Variants in TPR observed in about 807,000 individuals in gnomAD.
TPR encodes the protein translocated promoter region, nuclear basket protein.
Under a neutral mutation model 316.1 loss-of-function variants are expected in TPR, and 51 were observed. The ratio of observed to expected loss-of-function variants is 0.16; its 90% confidence interval spans 0.13 to 0.20. The LOEUF (loss-of-function observed/expected upper bound fraction) is 0.20, where lower values mean the gene tolerates loss of function less well. Among genes scored for constraint, TPR ranks in the 10% least tolerant of loss-of-function variants. TPR has a pLI of 1.00. For missense variants in TPR, 2,272 were observed against 2,754.8 expected (o/e 0.82, Z 3.92); for synonymous variants, 981 against 914.7 (o/e 1.07, Z -1.31).
chr1:186,370,064 T>C (rs2101992787), intron 3 of TPR, among the ~76,000 whole-genome samples: 1 of 152,288 alleles, frequency 6.6e-6, no homozygotes, highest in African/African-American at 2.4e-5. Context: ...TGCCTTTTAT[T>C]CTCTGTACTG....
At position 186,374,941 on chromosome 1, in the gene TPR, C is replaced by T. The variant is rs770637230; in HGVS notation, c.88G>A (p.Ala30Thr). 48 of 1,611,172 alleles carry T rather than the reference C, an allele frequency of 3.0e-5. No homozygotes were observed. Among genetic ancestry groups the T allele is most frequent in the Non-Finnish European group, 3.5e-5 (41 of 1,177,696 alleles). ...CCATCGATCTCGGATTGCTGATCAG[C>T]AAGGAACTTTTCAAGTTTGTTCTGG... ...SVQNKLEKFL[A>T]DQQSEIDGLK... is the part of the protein sequence containing the mutation. The change falls in exon 1 of 51, where the codon GCT (alanine) becomes ACT (threonine). Residue 30 changes from alanine (A) to threonine (T), a missense_variant. Ala to Thr is a moderately conservative substitution (Grantham distance 58). Coordinates refer to ENST00000367478, the MANE Select transcript of TPR (RefSeq NM_003292.3).
At chr1:186,339,538 T>C in intron 30 of TPR, 104 bp downstream of exon 30, 1 of 993,574 alleles carries the variant, frequency 1.0e-6, no homozygotes. Flanking sequence ...TCTAGCACTT[T>C]CCATTCTTTC....
chr1:186,362,474 C>T (rs1166804570), intron 6 of TPR, 94 bp from the exon 7 acceptor site: 6 of 869,826 alleles, frequency 6.9e-6, no homozygotes, highest in Non-Finnish European at 1.1e-5. Flanking sequence ...AGCTAAGTAA[C>T]TCCCCCTCCC....
At position 186,363,452 on chromosome 1, in the gene TPR, T is replaced by A. The variant is rs375650618; in HGVS notation, c.428-7A>T. ...TTCAGACGTTTAACATCCTCTAGAA[T>A]GGTGAAGAGAATTAAAAAATAATAA... On this transcript the variant is annotated splice_polypyrimidine_tract_variant and splice_region_variant and intron_variant, in intron 4 of 50. Coordinates refer to ENST00000367478, the MANE Select transcript of TPR (RefSeq NM_003292.3). 1.3e-6 allele frequency: 2 copies of A among 1,572,524 alleles called. No individual in the cohort carries two copies. Among genetic ancestry groups the A allele is most frequent in the African/African-American group, 1.4e-5 (1 of 73,674 alleles).
At chr1:186,334,304 G>T (rs1217037138) in intron 36 of TPR, 21 bp downstream of exon 36, 2 of 1,594,266 alleles carry the variant, frequency 1.3e-6, no homozygotes, top group Admixed American at 1.7e-5. Context: ...AGTCTCATCA[G>T]ATCTGTATTA....
chr1:186,325,952 A>T, intron 41 of TPR, 98 bp from the exon 42 acceptor site: 1 of 1,553,238 alleles, frequency 6.4e-7, no homozygotes, highest in East Asian at 2.3e-5. Context: ...ACAAAAACAA[A>T]TAAGTAACCA....
chr1:186,313,137 C>A lies in TPR; in HGVS notation c.*834G>T, dbSNP rs1002962398. ...TAAAACATCCAGTTACTAGAGTAAACTTGCTACTGACAATAGTATTTTACT... is the reference window on the plus strand; with the variant it reads ...TAAAACATCCAGTTACTAGAGTAAAATTGCTACTGACAATAGTATTTTACT... On this transcript the variant is annotated 3_prime_UTR_variant, in exon 51 of 51. Coordinates refer to ENST00000367478, the MANE Select transcript of TPR (RefSeq NM_003292.3). 6 of 518,314 alleles carry A rather than the reference C, an allele frequency of 1.2e-5. No individual in the cohort carries two copies. In the East Asian group the frequency reaches 2.0e-4, roughly 17 times the overall value. 32.1% of individuals were successfully genotyped at this position (518,314 alleles called of 1,614,324 possible).
At chr1:186,319,030 C>T (rs1250303838) in intron 46 of TPR, among the ~76,000 whole-genome samples, 1 of 152,114 alleles carries the variant, frequency 6.6e-6, no homozygotes, top group Non-Finnish European at 1.5e-5. Flanking sequence ...CGTTCTGTCA[C>T]CCAAGTTAAG....
chr1:186,323,715 G>A lies in TPR; in HGVS notation c.6268C>T (p.Pro2090Ser). Residue 2090 changes from proline (P) to serine (S), a missense_variant, in exon 43 of 51, where the codon CCA becomes TCA. By Grantham distance (74) the Pro-to-Ser change is moderately conservative. Transcript: ENST00000367478. ...ACTGGTGGTCCCAACTCCTGAGGTG[G>A]GGCATGAATGGTCAGTCTTGGGGGA... ...PLPPRLTIHA[P>S]PQELGPPVQR... 6.6e-7 allele frequency: 1 copy of A among 1,510,602 alleles called. No homozygotes were observed. The highest frequency in any genetic ancestry group is 8.8e-7 in the Non-Finnish European group (1 of 1,142,824). The allele number at this position is 1,510,602 out of a possible 1,614,324, so 93.6% of individuals were successfully genotyped here.
In TPR at chr1:186,353,722, A is replaced by G; in HGVS notation, c.2300T>C (p.Leu767Ser). 1.2e-6 allele frequency: 2 copies of G among 1,614,026 alleles called. No individual in the cohort carries two copies. Among genetic ancestry groups the G allele is most frequent in the South Asian group, 2.2e-5 (2 of 91,048 alleles). Residue 767 changes from leucine (L) to serine (S), a missense_variant, in exon 18 of 51, where the codon TTG (leucine) becomes TCG (serine). Physicochemically the swap from Leu to Ser is moderately radical, Grantham distance 145 (BLOSUM62 -2). Transcript: ENST00000367478. ...EQIINTMTQD[L>S]RGANEKLAVA... is the part of the protein sequence containing the mutation. ...AGCTAGCTTCTCATTTGCTCCTCTC[A>G]AATCTTGAGTCATCGTATTGATAAT...
chr1:186,335,186 G>A (rs1658301520), intron 34 of TPR, 57 bp from the exon 35 acceptor site: 21 of 1,565,496 alleles, frequency 1.3e-5, no homozygotes, highest in Non-Finnish European at 1.6e-5. Flanking sequence ...CACTAAAAAT[G>A]CCACAAAAAA....
At position 186,373,504 on chromosome 1, in the gene TPR, C is replaced by T. The variant is rs1188377428; in HGVS notation, c.152-41G>A. ...AAAAAACAAAAAACAAAATCAAACA[C>T]ATGTACATACATTGTGAATACTGTT... On this transcript the variant is annotated intron_variant, in intron 1 of 50. Transcript: ENST00000367478. 5.0e-6 allele frequency: 6 copies of T among 1,204,828 alleles called. No individual in the cohort carries two copies. The South Asian group carries it at 6.2e-5, about 13-fold the overall frequency. The allele number at this position is 1,204,828 out of a possible 1,614,324, so 74.6% of individuals were successfully genotyped here.
At chr1:186,338,362 A>C in intron 30 of TPR, 119 bp from the exon 31 acceptor site, 1 of 779,836 alleles carries the variant, frequency 1.3e-6, no homozygotes, top group Non-Finnish European at 2.0e-6. Flanking sequence ...AAATCCTAAA[A>C]AATACCCATA....
intron 42 of TPR, 45 bp from the exon 43 acceptor site, chr1:186,323,915 C>A (rs780403721): frequency 2.0e-6 from 3 of 1,507,084 alleles, no homozygotes; most frequent in Non-Finnish European, 2.6e-6. Flanking sequence ...AAATTTACCA[C>A]AAAAAAACTT....
intron 40 of TPR, among the ~76,000 whole-genome samples, chr1:186,327,163 A>ATATATAAATATATATAAATATATAATAT (rs1443385559): frequency 2.0e-3 from 1 of 508 alleles, no homozygotes; most frequent in South Asian, 0.056. Context: ...ATAAATATAT[A>ATATATAAATATATATAAATATATAATAT]ACATATATAT....
At position 186,349,819 on chromosome 1, in the gene TPR, C is replaced by T. The variant is rs1019288902; in HGVS notation, c.2776+404G>A. Among the ~76,000 whole-genome samples, 7 of 152,198 alleles carry T rather than the reference C, an allele frequency of 4.6e-5. 1 individual carries two copies. The South Asian group carries it at 1.5e-3, about 32-fold the overall frequency. On this transcript the variant is annotated intron_variant, in intron 21 of 50. Transcript: ENST00000367478. ...CAACGAGCAAATATTGGGAATACTG[C>T]TTTAAAGGAGATCACAAATCAACTC...
rs1473529681 is a variant in TPR, at chr1:186,313,097, T to G, written c.*874A>C. On this transcript the variant is annotated 3_prime_UTR_variant, in exon 51 of 51. Transcript: ENST00000367478. Reference sequence around the variant, plus strand: ...ACTGCAATTCAATTCTGCTCTAACCTTCATGAGATTACGATAAAACATCCA... The same window carrying G: ...ACTGCAATTCAATTCTGCTCTAACCGTCATGAGATTACGATAAAACATCCA... The G allele has an allele frequency of 1.4e-5, 8 of 575,316 alleles. No homozygotes were observed. Among genetic ancestry groups the G allele is most frequent in the Non-Finnish European group, 2.5e-5 (8 of 324,666 alleles). The allele number at this position is 575,316 out of a possible 1,614,324, so 35.6% of individuals were successfully genotyped here.
At position 186,358,597 on chromosome 1, in the gene TPR, T is replaced by C; in HGVS notation, c.1443A>G (p.Val481=). Residue 481 remains valine, a synonymous_variant, in exon 13 of 51, where the codon GTA becomes GTG. Coordinates refer to ENST00000367478, the MANE Select transcript of TPR (RefSeq NM_003292.3). ...DTDKANKQSS[V]LERDNRRMEI... ...CCATTCTTCGATTATCTCTCTCAAG[T>C]ACAGATGATTGCTTGTTGGCTTTAT... 1 of 1,612,760 alleles carries C rather than the reference T, an allele frequency of 6.2e-7. No individual in the cohort carries two copies. The highest frequency in any genetic ancestry group is 8.5e-7 in the Non-Finnish European group (1 of 1,179,390).
chr1:186,353,692 G>A lies in TPR; in HGVS notation c.2330C>T (p.Ala777Val). The change falls in exon 18 of 51, where the codon GCA (alanine) becomes GTA (valine). Residue 777 changes from alanine (A) to valine (V), a missense_variant. This residue lies in a region of TPR where 757 missense variants were observed against 859.8 expected (regional missense o/e 0.88). Coordinates refer to ENST00000367478, the MANE Select transcript of TPR (RefSeq NM_003292.3). Reference protein sequence around the residue: ...LRGANEKLAVAEVRAENLKKE... With the variant: ...LRGANEKLAVVEVRAENLKKE... The stretch of plus-strand genomic sequence containing the variant: ...GACAAGGGATATTGGACTCACTTCT[G>A]CGACAGCTAGCTTCTCATTTGCTCC... 5 of 1,613,390 alleles carry A rather than the reference G, an allele frequency of 3.1e-6. No individual in the cohort carries two copies. Among genetic ancestry groups the A allele is most frequent in the Non-Finnish European group, 4.2e-6 (5 of 1,179,772 alleles).
Sources: gnomAD v4.1 joint callset for allele counts (sites outside exome capture counted in the v4.1 genomes callset) on GRCh38, gnomAD v4.1.1 for gene constraint, gnomAD v4.1.1 regional missense constraint, MANE v1.5 for transcripts, NCBI Gene and HGNC (gene_info 2026-07-23, HGNC 2026-07-21) for gene names.